The following STAM variants were observed in gnomAD, a reference collection of about 807,000 sequenced individuals.
The protein encoded by STAM is signal transducing adaptor molecule.
Under a neutral mutation model 63.4 loss-of-function variants are expected in STAM, and 16 were observed. That is an observed-to-expected ratio of 0.25 (90% CI 0.17 to 0.38). The LOEUF (loss-of-function observed/expected upper bound fraction) is 0.38. Ranked by LOEUF, STAM falls within the 10% of genes least tolerant of loss-of-function variation. STAM has a pLI of 1.00. For missense variants in STAM, 636 were observed against 657.1 expected (o/e 0.97, Z 0.35); for synonymous variants, 238 against 223.9 (o/e 1.06, Z -0.56).
rs1019746105 is a variant in STAM at position 17,715,018 on chromosome 10, A to G, written c.*238A>G. 1.8e-5 allele frequency: 9 copies of G among 498,426 alleles called. No individual in the cohort carries two copies. In the Middle Eastern group the frequency reaches 2.3e-3, roughly 127 times the overall value. The allele number at this position is 498,426 out of a possible 1,614,324, so 30.9% of individuals were successfully genotyped here. A position where few individuals can be genotyped will look rare whatever the true frequency, so the allele number is the denominator to read the frequency against. ...TACAACATTTAATTCCTTTCATAATATGAAAGAATTGATACAAGGCTATTT... is the reference window on the plus strand; with the variant it reads ...TACAACATTTAATTCCTTTCATAATGTGAAAGAATTGATACAAGGCTATTT... On this transcript the variant is annotated 3_prime_UTR_variant, in exon 14 of 14. Coordinates refer to ENST00000377524, the MANE Select transcript of STAM (RefSeq NM_003473.4).
chr10:17,684,649 A>G (rs11254724), intron 2 of STAM, 26 bp from the exon 3 acceptor site: 165,946 of 1,597,964 alleles, frequency 0.1, 10,119 homozygotes, highest in Non-Finnish European at 0.12. Context: ...ATTATTAAGT[A>G]ATTTTTACTT....
rs111515189 is a variant in STAM, at chr10:17,712,183, A to G, written c.1386-2360A>G. Among the ~76,000 whole-genome samples the G allele has an allele frequency of 4.6e-3, 708 of 152,342 alleles. 4 individuals carry two copies. Among genetic ancestry groups the G allele is most frequent in the Non-Finnish European group, 7.8e-3 (533 of 68,038 alleles). On this transcript the variant is annotated intron_variant, in intron 13 of 13. Transcript: ENST00000377524. ...TGTGCTGTATGCTTTACACAAAGTA[A>G]CTTATTCCTCATAATAACCTGTGAA...
chr10:17,690,808 T>G (rs1835497986), intron 5 of STAM, among the ~76,000 whole-genome samples: 1 of 152,186 alleles, frequency 6.6e-6, no homozygotes, highest in Non-Finnish European at 1.5e-5. Context: ...AGCACTAACT[T>G]TTGATGTAAA....
rs1836796938 is a variant in STAM at position 17,715,945 on chromosome 10, G to A, written c.*1165G>A. Reference sequence around the variant, plus strand: ...CTGGCTTTGCTTAACGTTTATATAGGTATTGTTTTCTTTCACACTGGATTT... The same window carrying A: ...CTGGCTTTGCTTAACGTTTATATAGATATTGTTTTCTTTCACACTGGATTT... On this transcript the variant is annotated 3_prime_UTR_variant, in exon 14 of 14. Transcript: ENST00000377524. The A allele has an allele frequency of 1.3e-5, 2 of 152,574 alleles. No homozygotes were observed. Among genetic ancestry groups the A allele is most frequent in the Admixed American group, 1.3e-4 (2 of 15,278 alleles). The allele number at this position is 152,574 out of a possible 1,614,324, so 9.5% of individuals were successfully genotyped here. A position where few individuals can be genotyped will look rare whatever the true frequency, so the allele number is the denominator to read the frequency against.
At chr10:17,683,218 C>T (rs552061985) in intron 2 of STAM, among the ~76,000 whole-genome samples, 3 of 152,036 alleles carry the variant, frequency 2.0e-5, no homozygotes, top group Non-Finnish European at 2.9e-5. Context: ...GGATGGAGTA[C>T]GGTGGTGCCA....
At chr10:17,653,253 A>G (rs1053102653) in intron 1 of STAM, among the ~76,000 whole-genome samples, 1 of 152,238 alleles carries the variant, frequency 6.6e-6, no homozygotes, top group South Asian at 2.1e-4. Context: ...TTCCCAGTCC[A>G]TCGAAACCTA....
chr10:17,648,511 C>T (rs1228166474), intron 1 of STAM, among the ~76,000 whole-genome samples: 3 of 152,186 alleles, frequency 2.0e-5, no homozygotes, highest in Non-Finnish European at 2.9e-5. Context: ...TGGTGCTGCT[C>T]ACTCTTTGGG....
At chr10:17,688,499 G>T (rs1835391747) in intron 5 of STAM, among the ~76,000 whole-genome samples, 1 of 152,116 alleles carries the variant, frequency 6.6e-6, no homozygotes, top group Non-Finnish European at 1.5e-5. Flanking sequence ...GTCTTTGTTT[G>T]TCGCCCTGGG....
Position 17,705,666 on chromosome 10 carries a change from T to C in STAM, c.1134T>C (p.Asp378=), listed in dbSNP as rs782799215. Residue 378 remains aspartate (D), a synonymous_variant, in exon 12 of 14, where the codon GAT becomes GAC. Coordinates refer to ENST00000377524, the MANE Select transcript of STAM (RefSeq NM_003473.4). ...TATATACCAAGTTAATGAACGAAGA[T>C]CCGATGTATTCCATGTATGCAAAGT... The part of the protein sequence containing the change: ...LSLYTKLMNE[D]PMYSMYAKLQ... The C allele has an allele frequency of 6.2e-7, 1 of 1,614,078 alleles. No individual in the cohort carries two copies. Among genetic ancestry groups the C allele is most frequent in the Non-Finnish European group, 8.5e-7 (1 of 1,179,970 alleles).
intron 2 of STAM, among the ~76,000 whole-genome samples, chr10:17,678,866 G>A (rs1008585888): frequency 6.6e-6 from 1 of 152,024 alleles, no homozygotes; most frequent in African/African-American, 2.4e-5. Flanking sequence ...TCATGGAAGT[G>A]GAAACATAGA....
intron 1 of STAM, among the ~76,000 whole-genome samples, chr10:17,649,936 G>T (rs1230439052): frequency 1.3e-5 from 2 of 152,130 alleles, no homozygotes; most frequent in Non-Finnish European, 2.9e-5. Context: ...TTTTAGTGTT[G>T]TAGTTATCTT....
chr10:17,694,208 G>A (rs1835661803), intron 6 of STAM, among the ~76,000 whole-genome samples: 1 of 152,058 alleles, frequency 6.6e-6, no homozygotes. Flanking sequence ...CCTTAAATTT[G>A]ATAATGGTGT....
At chr10:17,671,582 C>T (rs1372493756) in intron 2 of STAM, among the ~76,000 whole-genome samples, 1 of 152,152 alleles carries the variant, frequency 6.6e-6, no homozygotes, top group Non-Finnish European at 1.5e-5. Context: ...CCATGACAGG[C>T]GGGTTACTAC....
chr10:17,698,183 T>G (rs1835843406), intron 8 of STAM, among the ~76,000 whole-genome samples: 1 of 152,202 alleles, frequency 6.6e-6, no homozygotes, highest in Admixed American at 6.5e-5. Flanking sequence ...GACAGATTGG[T>G]GAGACCCAGT....
intron 2 of STAM, among the ~76,000 whole-genome samples, chr10:17,680,862 A>G (rs1476929087): frequency 6.6e-6 from 1 of 152,232 alleles, no homozygotes; most frequent in East Asian, 1.9e-4. Flanking sequence ...TTATCCATTT[A>G]TGCGTCTGTG....
At chr10:17,684,348 G>A (rs1554825832) in intron 2 of STAM, among the ~76,000 whole-genome samples, 1 of 152,082 alleles carries the variant, frequency 6.6e-6, no homozygotes, top group African/African-American at 2.4e-5. Context: ...TGTTTACAAC[G>A]GGAGTGTAAG....
chr10:17,685,539 G>T (rs1554825974), intron 4 of STAM, among the ~76,000 whole-genome samples: 2 of 152,186 alleles, frequency 1.3e-5, no homozygotes, highest in African/African-American at 4.8e-5. Flanking sequence ...ACTTACACAG[G>T]AGGGCTGCAG....
intron 7 of STAM, 92 bp from the exon 8 acceptor site, chr10:17,696,683 T>G: frequency 1.2e-6 from 1 of 850,828 alleles, no homozygotes; most frequent in Non-Finnish European, 1.8e-6. Flanking sequence ...ATTCAAATTT[T>G]GTAATAGTGT....
chr10:17,696,177 T>C (rs782163447), intron 7 of STAM: 2 of 151,982 alleles, frequency 1.3e-5, no homozygotes, highest in Non-Finnish European at 2.9e-5. Context: ...TTTTTTTTTT[T>C]GAGTGGAAGA....
Sources: gnomAD v4.1 joint callset for allele counts (sites outside exome capture counted in the v4.1 genomes callset) on GRCh38, gnomAD v4.1.1 for gene constraint, MANE v1.5 for transcripts, NCBI Gene and HGNC (gene_info 2026-07-23, HGNC 2026-07-21) for gene names.